Variants in MGAT5B observed in about 807,000 individuals in gnomAD.
MGAT5B encodes N-acetylglucosaminyl-transferase Vb.
MGAT5B carries 54 observed loss-of-function variants against 95.1 expected under a neutral mutation model. The observed-to-expected ratio is 0.57, with a 90% CI of 0.46 to 0.71. MGAT5B has a LOEUF of 0.71. Among genes scored for constraint, MGAT5B ranks in the 30% least tolerant of loss-of-function variants. The pLI, the probability that MGAT5B is intolerant of heterozygous loss-of-function variation, is 0.00. For synonymous variants in MGAT5B, 464 were observed against 451.0 expected, an observed-to-expected ratio of 1.03 and a Z score of -0.36; for missense variants, 935 against 1,088.6, an observed-to-expected ratio of 0.86 and a Z score of 1.99.
At chr17:76,902,006 A>T (rs1968330033) in intron 3 of MGAT5B, among the ~76,000 whole-genome samples, 1 of 152,264 alleles carries the variant, frequency 6.6e-6, no homozygotes. Context: ...GCACACATGC[A>T]GATGTGGGCA....
rs1598950213 is a variant in MGAT5B, at chr17:76,912,347, A to C, written c.1025+6160A>C. On this transcript the variant is annotated intron_variant, in intron 8 of 17. Coordinates refer to ENST00000569840, the MANE Select transcript of MGAT5B (RefSeq NM_001199172.2). The surrounding 1 kb of genome is among the most constrained non-coding windows in gnomAD (Gnocchi z 5.0). Reference sequence around the variant, plus strand: ...GAGAGGCAGAAGCACCCAGGGCCTCACCTCTCAGCCCTGGGAGCCGTTCTG... The same window carrying C: ...GAGAGGCAGAAGCACCCAGGGCCTCCCCTCTCAGCCCTGGGAGCCGTTCTG... 6.6e-6 allele frequency among the ~76,000 whole-genome samples: 1 copy of C among 152,064 alleles called. No individual in the cohort carries two copies. The highest frequency in any genetic ancestry group is 1.5e-5 in the Non-Finnish European group (1 of 68,006).
intron 1 of MGAT5B, chr17:76,872,571 GC>G: frequency 8.1e-7 from 1 of 1,231,094 alleles, no homozygotes; most frequent in Non-Finnish European, 1.1e-6. Context: ...AACCAGCTCT[GC>G]CTGGAGGCTA....
chr17:76,899,290 G>A (rs373751248), intron 3 of MGAT5B, among the ~76,000 whole-genome samples: 2 of 152,116 alleles, frequency 1.3e-5, no homozygotes, highest in Admixed American at 6.5e-5. Context: ...AGCCCGGCTC[G>A]TCTCCAGCTC....
rs578149493 is a variant in MGAT5B, at chr17:76,905,207, G to A, written c.729G>A (p.Leu243=). Residue 243 remains leucine (L), a synonymous_variant, in exon 7 of 18, where the codon CTG becomes CTA. Transcript: ENST00000569840. The surrounding 1 kb of genome is among the most constrained non-coding windows in gnomAD (Gnocchi z 4.2). The part of the protein sequence containing the change: ...FRSNLSHLLD[L]MGSGKESLIF... ...GCAACCTGTCCCACCTTCTGGACCTGATGGGCAGCGGGAAGGAGTCCCTGA... is the reference window on the plus strand; with the variant it reads ...GCAACCTGTCCCACCTTCTGGACCTAATGGGCAGCGGGAAGGAGTCCCTGA... 12 of 1,613,572 alleles carry A rather than the reference G, an allele frequency of 7.4e-6. No homozygotes were observed. In the South Asian group the frequency reaches 1.2e-4, roughly 16 times the overall value.
At chr17:76,885,248 G>A (rs1459081686) in intron 3 of MGAT5B, among the ~76,000 whole-genome samples, 1 of 152,076 alleles carries the variant, frequency 6.6e-6, no homozygotes, top group South Asian at 2.1e-4. Context: ...GTGTGCCCTC[G>A]GATCCAGCCC....
intron 8 of MGAT5B, among the ~76,000 whole-genome samples, chr17:76,921,848 C>T (rs941285388): frequency 1.3e-5 from 2 of 152,218 alleles, no homozygotes; most frequent in Non-Finnish European, 2.9e-5. Flanking sequence ...GTTACTCAGC[C>T]TCTCTGTTTC....
At chr17:76,934,415 G>T (rs1326317549) in intron 12 of MGAT5B, among the ~76,000 whole-genome samples, 1 of 152,186 alleles carries the variant, frequency 6.6e-6, no homozygotes, top group Non-Finnish European at 1.5e-5. Context: ...AGCCTGTTCA[G>T]CATTATGAAG....
At position 76,932,662 on chromosome 17, in the gene MGAT5B, T is replaced by G; in HGVS notation, c.1309T>G (p.Ser437Ala). The G allele has an allele frequency of 6.2e-7, 1 of 1,613,720 alleles. No homozygotes were observed. The highest frequency in any genetic ancestry group is 8.5e-7 in the Non-Finnish European group (1 of 1,179,800). ...MTMFPHTPDN[S>A]FMGFVSEELN... ...GGCTGCAGCTCATACCCCCGACAAC[T>G]CCTTCATGGGCTTCGTGTCCGAGGA... Residue 437 changes from serine to alanine, a missense_variant, in exon 11 of 18, where the codon TCC becomes GCC. Ser to Ala is a moderately conservative substitution (Grantham distance 99). This residue lies in a region of MGAT5B where 440 missense variants were observed against 523.6 expected (regional missense o/e 0.84). Coordinates refer to ENST00000569840, the MANE Select transcript of MGAT5B (RefSeq NM_001199172.2).
chr17:76,933,086 C>T (rs966942012), intron 11 of MGAT5B, among the ~76,000 whole-genome samples: 1 of 152,172 alleles, frequency 6.6e-6, no homozygotes, highest in African/African-American at 2.4e-5. Context: ...AGGGCGTCTT[C>T]GGTGGATGGG....
At chr17:76,907,967 C>T (rs568113518) in intron 8 of MGAT5B, among the ~76,000 whole-genome samples, 47 of 152,260 alleles carry the variant, frequency 3.1e-4, no homozygotes, top group South Asian at 8.3e-4. Context: ...GTGGTTCTTT[C>T]GTCTTGATGA....
At chr17:76,900,594 G>A (rs999006140) in intron 3 of MGAT5B, among the ~76,000 whole-genome samples, 10 of 152,234 alleles carry the variant, frequency 6.6e-5, no homozygotes, top group Non-Finnish European at 1.2e-4. Flanking sequence ...GCTACCTCTG[G>A]AAGCTGGGAG....
chr17:76,904,412 C>T lies in MGAT5B; in HGVS notation c.680C>T (p.Pro227Leu), dbSNP rs1473214762. Residue 227 changes from proline to leucine, a missense_variant, in exon 6 of 18, where the codon CCC becomes CTC. This residue lies in a region of MGAT5B where 243 missense variants were observed against 305.5 expected (regional missense o/e 0.80). Coordinates refer to ENST00000569840, the MANE Select transcript of MGAT5B (RefSeq NM_001199172.2). ...GCCCAGAGGGCACCCAAGCCCCTCC[C>T]CAAAGTCCAGGTGGGCCTGGGAGGT... ...TAAQRAPKPL[P>L]KVQAVFRSNL... The T allele has an allele frequency of 1.9e-6, 3 of 1,558,366 alleles. No homozygotes were observed. Among genetic ancestry groups the T allele is most frequent in the Admixed American group, 1.9e-5 (1 of 51,692 alleles).
intron 5 of MGAT5B, among the ~76,000 whole-genome samples, chr17:76,903,860 G>A (rs1231673060): frequency 1.3e-5 from 2 of 152,206 alleles, no homozygotes; most frequent in Non-Finnish European, 1.5e-5. Flanking sequence ...GGTGGATCCC[G>A]CCCTGGCTCC....
At chr17:76,893,474 C>G (rs1169248841) in intron 3 of MGAT5B, among the ~76,000 whole-genome samples, 4 of 152,222 alleles carry the variant, frequency 2.6e-5, no homozygotes, top group African/African-American at 9.6e-5. Context: ...GGTTCACAGC[C>G]TTCCTCTCTT....
At chr17:76,893,638 C>T (rs535313707) in intron 3 of MGAT5B, among the ~76,000 whole-genome samples, 45 of 152,308 alleles carry the variant, frequency 3.0e-4, no homozygotes, top group African/African-American at 9.9e-4. Context: ...TCCCCCGTGC[C>T]GGGGTAGATT....
At chr17:76,936,772 G>T (rs945954067) in intron 12 of MGAT5B, among the ~76,000 whole-genome samples, 7 of 152,168 alleles carry the variant, frequency 4.6e-5, no homozygotes, top group African/African-American at 7.2e-5. Context: ...TCTATTTCTG[G>T]AGTCTGTATT....
rs530711623 is a variant in MGAT5B, at chr17:76,923,285, C to T, written c.1026-1681C>T. 2.0e-5 allele frequency among the ~76,000 whole-genome samples: 3 copies of T among 152,278 alleles called. No individual in the cohort carries two copies. In the East Asian group the frequency reaches 5.8e-4, roughly 29 times the overall value. On this transcript the variant is annotated intron_variant, in intron 8 of 17. Coordinates refer to ENST00000569840, the MANE Select transcript of MGAT5B (RefSeq NM_001199172.2). ...CCACTTGCCGTTAATGAGGAGGTGA[C>T]CTTGTCAAAGCTCATCACCTCCCCA... is the stretch of plus-strand genomic sequence containing the variant.
chr17:76,948,585 G>A (rs924214260), intron 17 of MGAT5B, 55 bp from the exon 18 acceptor site: 92 of 1,537,042 alleles, frequency 6.0e-5, no homozygotes, highest in Non-Finnish European at 7.9e-5. Context: ...CCCCGCCCCA[G>A]CCCTTCTGCC....
chr17:76,924,837 C>G, intron 8 of MGAT5B, 129 bp from the exon 9 acceptor site: 1 of 1,218,382 alleles, frequency 8.2e-7, no homozygotes, highest in South Asian at 1.4e-5. Flanking sequence ...ATCCTGCTCA[C>G]TTCCTTTCTG....
Sources: allele counts gnomAD v4.1 joint callset (sites outside exome capture counted in the v4.1 genomes callset), GRCh38; gene constraint gnomAD v4.1.1; regional missense constraint gnomAD v4.1.1; non-coding constraint Gnocchi (gnomAD v3.1); transcripts MANE v1.5; gene names NCBI Gene and HGNC (gene_info 2026-07-23, HGNC 2026-07-21).